The following FBXO16 variants were observed in gnomAD, a reference collection of about 807,000 sequenced individuals.
The protein encoded by FBXO16 is F-box protein 16, also known as F-box only protein 16.
In FBXO16, 31 loss-of-function variants were observed where a neutral mutation model predicts 41.0. The ratio of observed to expected loss-of-function variants is 0.76; its 90% CI spans 0.57 to 1.02. The LOEUF (loss-of-function observed/expected upper bound fraction) is 1.02, where lower values mean the gene tolerates loss of function less well. Ranked by LOEUF, FBXO16 falls within the 50% of genes least tolerant of loss-of-function variation. The probability of loss-of-function intolerance (pLI) is 0.00; values close to 1 mark genes in which losing one functional copy is unlikely to be tolerated. For missense variants in FBXO16, 361 were observed against 346.2 expected (o/e 1.04, Z -0.34); for synonymous variants, 133 against 117.8 (o/e 1.13, Z -0.84).
chr8:28,489,320 G>A (rs1004682647), intron 1 of FBXO16, among the ~76,000 whole-genome samples: 8 of 151,654 alleles, frequency 5.3e-5, no homozygotes, highest in African/African-American at 1.9e-4. Flanking sequence ...CCAGCCTGGG[G>A]GACAGAGTGC....
intron 7 of FBXO16, among the ~76,000 whole-genome samples, chr8:28,443,824 TACTC>T: frequency 6.6e-6 from 1 of 152,146 alleles, no homozygotes; most frequent in East Asian, 1.9e-4. Flanking sequence ...CCTCTGGTCA[TACTC>T]ACTGCTACAC....
intron 2 of FBXO16, among the ~76,000 whole-genome samples, chr8:28,480,563 G>A (rs1455670722): frequency 6.6e-6 from 1 of 151,742 alleles, no homozygotes; most frequent in African/African-American, 2.4e-5. Context: ...GAGTGTAGTG[G>A]TGCAATCTTG....
rs777359427 is a variant in FBXO16 at position 28,429,414 on chromosome 8, G to A, written c.844-11C>T. The A allele has an allele frequency of 1.9e-6, 3 of 1,613,882 alleles. No individual in the cohort carries two copies. Among genetic ancestry groups the A allele is most frequent in the South Asian group, 2.2e-5 (2 of 91,080 alleles). The stretch of plus-strand genomic sequence containing the variant: ...ATTTCTCCTCGACATCTGGCCGCGA[G>A]CAGGAAAGGGAAGAGAATGGAGAGA... On this transcript the variant is annotated splice_polypyrimidine_tract_variant and intron_variant, in intron 7 of 8. Transcript: ENST00000380254.
intron 7 of FBXO16, among the ~76,000 whole-genome samples, chr8:28,434,830 GGAGCAAGC>G (rs1250613222): frequency 6.6e-6 from 1 of 152,242 alleles, no homozygotes; most frequent in Non-Finnish European, 1.5e-5. Context: ...CTCAAACACA[GGAGCAAGC>G]TCCGTGCAGG....
intron 5 of FBXO16, among the ~76,000 whole-genome samples, chr8:28,454,412 A>G (rs1803003564): frequency 6.6e-6 from 1 of 151,666 alleles, no homozygotes; most frequent in Non-Finnish European, 1.5e-5. Context: ...TTAGGCATAA[A>G]TGCTAGTAGT....
intron 7 of FBXO16, among the ~76,000 whole-genome samples, chr8:28,438,185 A>G (rs765464990): frequency 1.3e-5 from 2 of 152,020 alleles, no homozygotes; most frequent in Admixed American, 6.6e-5. Flanking sequence ...GCGTGGTGGT[A>G]CACACCTGTA....
intron 1 of FBXO16, among the ~76,000 whole-genome samples, chr8:28,484,740 C>T (rs898602443): frequency 2.6e-5 from 4 of 151,170 alleles, no homozygotes; most frequent in Admixed American, 1.3e-4. Context: ...TACAGGCGCC[C>T]GCCATCACGC....
intron 2 of FBXO16, among the ~76,000 whole-genome samples, chr8:28,481,450 C>A (rs994101537): frequency 1.2e-4 from 18 of 152,026 alleles, no homozygotes; most frequent in African/African-American, 4.1e-4. Context: ...GGCAAGGGAG[C>A]GTTGGTAGAC....
chr8:28,489,541 AAAAAT>A (rs1178012120), intron 1 of FBXO16, among the ~76,000 whole-genome samples: 9 of 132,250 alleles, frequency 6.8e-5, no homozygotes, highest in African/African-American at 2.1e-4. Flanking sequence ...AAAAAAAAAA[AAAAAT>A]TGCCAGGTGT....
chr8:28,429,229 C>T (rs749576947), intron 8 of FBXO16, 149 bp downstream of exon 8: 16 of 765,666 alleles, frequency 2.1e-5, no homozygotes, highest in Admixed American at 1.8e-4. Flanking sequence ...TTGATCCTCT[C>T]GCCTCTGCCT....
chr8:28,436,580 T>C lies in FBXO16; in HGVS notation c.844-7177A>G, dbSNP rs191655614. ...TGACTACATCTTTCAGCCTTCCAAG[T>C]AGGTGAAATAGGTAGGGATGGTGCA... On this transcript the variant is annotated intron_variant, in intron 7 of 8. Transcript: ENST00000380254. Among the ~76,000 whole-genome samples, 562 of 152,248 alleles carry C rather than the reference T, an allele frequency of 3.7e-3. 1 individual carries two copies. Among genetic ancestry groups the C allele is most frequent in the Non-Finnish European group, 6.5e-3 (445 of 68,008 alleles).
chr8:28,450,917 C>G (rs1238555144), intron 6 of FBXO16, among the ~76,000 whole-genome samples: 4 of 151,800 alleles, frequency 2.6e-5, no homozygotes, highest in Non-Finnish European at 4.4e-5. Context: ...ATAATGAGAC[C>G]CCGTTCTACA....
intron 5 of FBXO16, among the ~76,000 whole-genome samples, chr8:28,454,589 A>G (rs1043548185): frequency 4.0e-5 from 6 of 151,226 alleles, no homozygotes; most frequent in Non-Finnish European, 7.4e-5. Flanking sequence ...TTAGCCGGGC[A>G]TGGTGGCAGG....
intron 2 of FBXO16, among the ~76,000 whole-genome samples, chr8:28,475,601 T>C (rs188749056): frequency 4.9e-4 from 75 of 152,370 alleles, no homozygotes; most frequent in Admixed American, 9.8e-4. Flanking sequence ...ACTTTTCTGA[T>C]GTCCAGGGAT....
chr8:28,451,699 G>A (rs2130124851), intron 6 of FBXO16, among the ~76,000 whole-genome samples: 1 of 152,008 alleles, frequency 6.6e-6, no homozygotes, highest in Middle Eastern at 3.4e-3. Flanking sequence ...AATATTAGAA[G>A]AGGCCAGGCA....
At chr8:28,438,877 ACT>A (rs1802722433) in intron 7 of FBXO16, among the ~76,000 whole-genome samples, 1 of 152,084 alleles carries the variant, frequency 6.6e-6, no homozygotes, top group Non-Finnish European at 1.5e-5. Flanking sequence ...AGGCAAATGG[ACT>A]TCTTGAGGTC....
intron 7 of FBXO16, among the ~76,000 whole-genome samples, chr8:28,431,800 T>TTTGAAAATAATTAATTAA (rs1802609356): frequency 6.6e-6 from 1 of 152,246 alleles, no homozygotes; most frequent in South Asian, 2.1e-4. Flanking sequence ...TTTCTCACTC[T>TTTGAAAATAATTAATTAA]TTGAAAATAA....
At chr8:28,481,039 A>G (rs1309608463) in intron 2 of FBXO16, among the ~76,000 whole-genome samples, 1 of 135,392 alleles carries the variant, frequency 7.4e-6, no homozygotes, top group Non-Finnish European at 1.6e-5. Flanking sequence ...GGTGTGGGAG[A>G]GCAGGGTTCA....
chr8:28,448,645 G>C (rs1421791762), intron 6 of FBXO16, among the ~76,000 whole-genome samples: 1 of 152,174 alleles, frequency 6.6e-6, no homozygotes, highest in Non-Finnish European at 1.5e-5. Flanking sequence ...GAATATATCT[G>C]AGAGATAAAA....
Sources: allele counts gnomAD v4.1 joint callset (sites outside exome capture counted in the v4.1 genomes callset), GRCh38; gene constraint gnomAD v4.1.1; transcripts MANE v1.5; gene names NCBI Gene and HGNC (gene_info 2026-07-23, HGNC 2026-07-21).